DENND1B: variants seen among roughly 807,000 people sequenced by gnomAD.
The protein encoded by DENND1B is DENN domain-containing protein 1B.
DENND1B carries 59 observed loss-of-function variants against 90.1 expected under a neutral mutation model. The ratio of observed to expected loss-of-function variants is 0.65; its 90% CI spans 0.53 to 0.81. DENND1B has a LOEUF of 0.81. Among genes scored for constraint, DENND1B ranks in the 40% least tolerant of loss-of-function variants. The pLI is 0.00. For synonymous variants in DENND1B, 337 were observed against 324.6 expected (o/e 1.04, Z -0.41); for missense variants, 862 against 912.6 (o/e 0.94, Z 0.71).
chr1:197,647,639 T>G (rs1680846032), intron 7 of DENND1B, among the ~76,000 whole-genome samples: 1 of 152,162 alleles, frequency 6.6e-6, no homozygotes, highest in Admixed American at 6.5e-5. Flanking sequence ...AACAGCTGAT[T>G]TTATCAATAC....
chr1:197,625,178 G>T (rs1204322486), intron 10 of DENND1B, among the ~76,000 whole-genome samples: 19 of 151,616 alleles, frequency 1.3e-4, no homozygotes, highest in South Asian at 4.2e-4. Context: ...ACAAAGATAT[G>T]CCTCGAGAAG....
intron 10 of DENND1B, among the ~76,000 whole-genome samples, chr1:197,633,785 T>C (rs1324429280): frequency 6.6e-6 from 1 of 152,136 alleles, no homozygotes; most frequent in Non-Finnish European, 1.5e-5. Context: ...ATTACTGGAG[T>C]GTACAATTTC....
intron 2 of DENND1B, among the ~76,000 whole-genome samples, chr1:197,761,047 C>T (rs1401817415): frequency 1.3e-5 from 2 of 152,134 alleles, no homozygotes; most frequent in African/African-American, 4.8e-5. Context: ...AGAACCAACA[C>T]ATAATCTTGA....
At chr1:197,745,934 C>T (rs1307552767) in intron 2 of DENND1B, among the ~76,000 whole-genome samples, 38 of 152,060 alleles carry the variant, frequency 2.5e-4, no homozygotes, top group Admixed American at 2.4e-3. Context: ...AAGTCTACTG[C>T]TTCCAATAAA....
intron 4 of DENND1B, among the ~76,000 whole-genome samples, chr1:197,673,563 T>C (rs1041696263): frequency 6.6e-6 from 1 of 152,074 alleles, no homozygotes; most frequent in African/African-American, 2.4e-5. Context: ...TTCCAAGAAA[T>C]TTCAACTCTA....
At chr1:197,760,418 G>T (rs1654890489) in intron 2 of DENND1B, among the ~76,000 whole-genome samples, 1 of 152,082 alleles carries the variant, frequency 6.6e-6, no homozygotes, top group Non-Finnish European at 1.5e-5. Context: ...TGGAAGCTAA[G>T]GTAGGCAGGT....
intron 15 of DENND1B, among the ~76,000 whole-genome samples, chr1:197,553,376 A>G (rs1416138734): frequency 6.6e-6 from 1 of 152,176 alleles, no homozygotes; most frequent in Non-Finnish European, 1.5e-5. Flanking sequence ...CTTATTAGCA[A>G]AAAATAGCAA....
intron 10 of DENND1B, among the ~76,000 whole-genome samples, chr1:197,625,380 A>G (rs1448049585): frequency 7.2e-5 from 11 of 152,170 alleles, no homozygotes; most frequent in Non-Finnish European, 1.3e-4. Context: ...AAAGAAAAGA[A>G]TTTTCAACCC....
intron 5 of DENND1B, among the ~76,000 whole-genome samples, chr1:197,666,621 T>C (rs1406124294): frequency 6.6e-6 from 1 of 152,190 alleles, no homozygotes. Context: ...AGGTCACTCC[T>C]ACAAAACTGA....
chr1:197,747,110 C>G lies in DENND1B; in HGVS notation c.82+25758G>C. On this transcript the variant is annotated intron_variant, in intron 2 of 22. Coordinates refer to ENST00000620048, the MANE Select transcript of DENND1B (RefSeq NM_001195215.2). ...TTTGAGAACTGTTCACTGTGAGATT[C>G]TTTTTCATTCCTCAATTTATCTTTT... The G allele has an allele frequency of 5.2e-6, 4 of 772,266 alleles. No individual in the cohort carries two copies. In the South Asian group the frequency reaches 5.6e-5, roughly 11 times the overall value. 47.8% of individuals were successfully genotyped at this position (772,266 alleles called of 1,614,324 possible). A position where few individuals can be genotyped will look rare whatever the true frequency, so the allele number is the denominator to read the frequency against.
At chr1:197,698,421 G>C (rs1558416222) in intron 3 of DENND1B, among the ~76,000 whole-genome samples, 1 of 152,090 alleles carries the variant, frequency 6.6e-6, no homozygotes, top group East Asian at 1.9e-4. Context: ...GCAGTGTTAA[G>C]AGGAAAATTT....
intron 1 of DENND1B, chr1:197,774,714 GAA>G: frequency 6.4e-6 from 1 of 155,892 alleles, no homozygotes; most frequent in Admixed American, 6.5e-5. Context: ...AGAGCACTCG[GAA>G]TAATAACCTC....
rs536335106 is a variant in DENND1B, at chr1:197,733,374, G to C, written c.83-18300C>G. ...TTTATAAACACAGCATACAAACCTT[G>C]ATGAATGTTTCTCCTGTTATTCTTC... On this transcript the variant is annotated intron_variant, in intron 2 of 22. Coordinates refer to ENST00000620048, the MANE Select transcript of DENND1B (RefSeq NM_001195215.2). 5.9e-5 allele frequency among the ~76,000 whole-genome samples: 9 copies of C among 152,258 alleles called. No homozygotes were observed. In the East Asian group the frequency reaches 1.2e-3, roughly 20 times the overall value.
chr1:197,652,380 AT>A lies in DENND1B; in HGVS notation c.367-66del, dbSNP rs1490535432. The A allele has an allele frequency of 2.4e-6, 3 of 1,250,904 alleles. No individual in the cohort carries two copies. In the Admixed American group the frequency reaches 7.1e-5, roughly 29 times the overall value. The allele number at this position is 1,250,904 out of a possible 1,614,324, so 77.5% of individuals were successfully genotyped here. A position where few individuals can be genotyped will look rare whatever the true frequency, so the allele number is the denominator to read the frequency against. On this transcript the variant is annotated intron_variant, in intron 6 of 22. Coordinates refer to ENST00000620048, the MANE Select transcript of DENND1B (RefSeq NM_001195215.2). The stretch of plus-strand genomic sequence containing the variant: ...ATACCAAGCAACTGCAATTAAAACT[AT>A]TTGATAAAATAATCTACTATGGCTT...
At chr1:197,773,644 T>C (rs923548869) in intron 1 of DENND1B, among the ~76,000 whole-genome samples, 1 of 152,260 alleles carries the variant, frequency 6.6e-6, no homozygotes, top group Non-Finnish European at 1.5e-5. Context: ...CACTAGAAAC[T>C]GTAAGTTTAC....
chr1:197,593,086 T>C (rs2125802125), intron 14 of DENND1B, among the ~76,000 whole-genome samples: 1 of 152,014 alleles, frequency 6.6e-6, no homozygotes, highest in Admixed American at 6.5e-5. Context: ...AAGACATTGG[T>C]CTATTATATC....
At chr1:197,765,196 G>C (rs1470818028) in intron 2 of DENND1B, among the ~76,000 whole-genome samples, 2 of 152,172 alleles carry the variant, frequency 1.3e-5, no homozygotes, top group African/African-American at 2.4e-5. Flanking sequence ...ACCTATCACA[G>C]AAACGTGAAC....
intron 10 of DENND1B, among the ~76,000 whole-genome samples, chr1:197,625,493 C>T (rs1678603921): frequency 6.6e-6 from 1 of 151,950 alleles, no homozygotes; most frequent in Admixed American, 6.6e-5. Flanking sequence ...CAGGCCTGAC[C>T]TAAAAGAGCT....
intron 4 of DENND1B, among the ~76,000 whole-genome samples, chr1:197,673,142 C>T (rs1214357250): frequency 6.6e-6 from 1 of 151,804 alleles, no homozygotes; most frequent in Non-Finnish European, 1.5e-5. Flanking sequence ...TTTTCTTACA[C>T]TTTAATAAAC....
Sources: allele counts gnomAD v4.1 joint callset (sites outside exome capture counted in the v4.1 genomes callset), GRCh38; gene constraint gnomAD v4.1.1; transcripts MANE v1.5; gene names NCBI Gene and HGNC (gene_info 2026-07-23, HGNC 2026-07-21).